The following ANK2 variants were observed in gnomAD, a reference collection of about 807,000 sequenced individuals.
ANK2 encodes ankyrin-2.
A neutral mutation model predicts 360.5 loss-of-function variants in ANK2; 83 were observed. The ratio of observed to expected loss-of-function variants is 0.23; its 90% CI spans 0.19 to 0.28. ANK2 has a LOEUF of 0.28. ANK2 is among the 10% of genes least tolerant of loss of function. The probability of loss-of-function intolerance (pLI) is 1.00; values close to 1 mark genes in which losing one functional copy is unlikely to be tolerated. For synonymous variants in ANK2, 1,740 were observed against 1,759.5 expected (o/e 0.99, Z 0.28); for missense variants, 4,201 against 4,795.7 (o/e 0.88, Z 3.66).
intron 1 of ANK2, among the ~76,000 whole-genome samples, chr4:113,095,859 G>A (rs2154356274): frequency 6.6e-6 from 1 of 152,280 alleles, no homozygotes; most frequent in East Asian, 1.9e-4. Context: ...GCTCTCATCT[G>A]TGCTAATGAG....
chr4:112,739,189 T>C, the ANK2 span: 3,250 of 332,994 alleles, frequency 9.8e-3, 100 homozygotes, highest in African/African-American at 0.066. Context: ...ACTCCTACAT[T>C]CTAGAAGAGT....
At chr4:112,766,778 A>G in the ANK2 span, among the ~76,000 whole-genome samples, 4 of 152,284 alleles carry the variant, frequency 2.6e-5, no homozygotes, top group East Asian at 7.7e-4. Flanking sequence ...CCCTGATGAG[A>G]TGGGGTACAT....
At chr4:113,203,557 T>C (rs1377571607) in intron 4 of ANK2, among the ~76,000 whole-genome samples, 1 of 152,196 alleles carries the variant, frequency 6.6e-6, no homozygotes, top group Non-Finnish European at 1.5e-5. Context: ...CATATATGAT[T>C]GGAGGATGAA....
chr4:113,247,475 G>A (rs186016630), intron 9 of ANK2, among the ~76,000 whole-genome samples: 38 of 152,190 alleles, frequency 2.5e-4, no homozygotes, highest in African/African-American at 8.7e-4. Context: ...GTTCTTGTGG[G>A]TATATTAAAT....
chr4:113,228,274 G>T (rs1032346640), intron 4 of ANK2, among the ~76,000 whole-genome samples: 1 of 151,976 alleles, frequency 6.6e-6, no homozygotes, highest in African/African-American at 2.4e-5. Flanking sequence ...TAAGATTCTG[G>T]TGCACCCATC....
At chr4:113,201,703 G>A (rs1209060808) in intron 4 of ANK2, among the ~76,000 whole-genome samples, 1 of 152,154 alleles carries the variant, frequency 6.6e-6, no homozygotes, top group Non-Finnish European at 1.5e-5. Context: ...AATGCTGCAA[G>A]GTAAATGCTT....
chr4:113,363,306 A>G (rs758883426), intron 39 of ANK2, 32 bp from the exon 40 acceptor site: 5 of 1,608,214 alleles, frequency 3.1e-6, no homozygotes, highest in Non-Finnish European at 4.2e-6. Flanking sequence ...CTTGAAGTTA[A>G]TGTGTTTACA....
chr4:112,951,052 AGCCTGG>A, intron 2 of ANK2, among the ~76,000 whole-genome samples: 1 of 137,340 alleles, frequency 7.3e-6, no homozygotes, highest in Non-Finnish European at 1.5e-5. Flanking sequence ...ACTGCACTCC[AGCCTGG>A]GCGACAGAGC....
chr4:113,083,778 T>A (rs2083381216), intron 1 of ANK2, among the ~76,000 whole-genome samples: 1 of 152,212 alleles, frequency 6.6e-6, no homozygotes, highest in Admixed American at 6.5e-5. Flanking sequence ...AAATATTTTA[T>A]TTTATATATC....
At chr4:112,966,015 A>G (rs1181039435) in intron 2 of ANK2, among the ~76,000 whole-genome samples, 1 of 151,914 alleles carries the variant, frequency 6.6e-6, no homozygotes, top group East Asian at 1.9e-4. Context: ...AAATTTAGAA[A>G]AACTTAATTT....
chr4:113,022,858 A>C (rs901495263), intron 2 of ANK2, among the ~76,000 whole-genome samples: 1 of 152,214 alleles, frequency 6.6e-6, no homozygotes, highest in Non-Finnish European at 1.5e-5. Flanking sequence ...AATCAATACA[A>C]TGAAGTTACA....
At chr4:112,837,164 A>C (rs115766733) in intron 1 of ANK2, among the ~76,000 whole-genome samples, 1 of 152,234 alleles carries the variant, frequency 6.6e-6, no homozygotes, top group Non-Finnish European at 1.5e-5. Flanking sequence ...CCTGCATCCC[A>C]GCAGCTCCAG....
chr4:112,891,178 G>A (rs912201382), intron 1 of ANK2, among the ~76,000 whole-genome samples: 2 of 152,110 alleles, frequency 1.3e-5, no homozygotes, highest in Non-Finnish European at 2.9e-5. Context: ...CTCGTGCCAC[G>A]TAACTAGCAG....
intron 26 of ANK2, among the ~76,000 whole-genome samples, chr4:113,320,278 C>T (rs771389346): frequency 1.3e-5 from 2 of 152,094 alleles, no homozygotes; most frequent in Non-Finnish European, 2.9e-5. Context: ...AACAGTTTTC[C>T]TATGAATCTC....
intron 17 of ANK2, among the ~76,000 whole-genome samples, chr4:113,279,176 G>A (rs538745711): frequency 6.6e-6 from 1 of 151,906 alleles, no homozygotes; most frequent in East Asian, 1.9e-4. Context: ...TATGAATGTC[G>A]TATAATGCAT....
At chr4:112,978,107 G>T (rs899469596) in intron 2 of ANK2, among the ~76,000 whole-genome samples, 1 of 152,096 alleles carries the variant, frequency 6.6e-6, no homozygotes, top group African/African-American at 2.4e-5. Context: ...AGCCGGGTAT[G>T]GTGGTGAGTC....
At chr4:113,373,727 A>G in intron 45 of ANK2, 1 of 576,432 alleles carries the variant, frequency 1.7e-6, no homozygotes. Context: ...GCAGAAATCC[A>G]AAAGTCAAAT....
the ANK2 span, among the ~76,000 whole-genome samples, chr4:112,718,829 G>T: frequency 8.6e-5 from 13 of 151,922 alleles, no homozygotes; most frequent in Admixed American, 3.9e-4. Context: ...TAGAGACGGG[G>T]TTTCTCCATG....
the ANK2 span, among the ~76,000 whole-genome samples, chr4:112,722,157 C>T: frequency 2.6e-5 from 4 of 152,322 alleles, no homozygotes; most frequent in East Asian, 1.9e-4. Flanking sequence ...GAGACAGCTC[C>T]GGCCAAGATA....
Sources: allele counts gnomAD v4.1 joint callset (sites outside exome capture counted in the v4.1 genomes callset), GRCh38; gene constraint gnomAD v4.1.1; transcripts MANE v1.5; gene names NCBI Gene and HGNC (gene_info 2026-07-23, HGNC 2026-07-21).